Variants in SLC12A3 observed in about 807,000 individuals in gnomAD.
SLC12A3 encodes the protein Na-Cl cotransporter.
In SLC12A3, 104 loss-of-function variants were observed where a neutral mutation model predicts 121.0. The ratio of observed to expected loss-of-function variants is 0.86; its 90% confidence interval spans 0.73 to 1.01. SLC12A3 has a LOEUF of 1.01. Among genes scored for constraint, SLC12A3 ranks in the 50% least tolerant of loss-of-function variants. The pLI, the probability that SLC12A3 is intolerant of heterozygous loss-of-function variation, is 0.00. For synonymous variants in SLC12A3, 536 were observed against 533.4 expected, an observed-to-expected ratio of 1.00 and a Z score of -0.07; for missense variants, 1,328 against 1,356.3, an observed-to-expected ratio of 0.98 and a Z score of 0.33.
At chr16:56,872,560 C>A in intron 7 of SLC12A3, 96 bp from the exon 8 acceptor site, 1 of 1,585,722 alleles carries the variant, frequency 6.3e-7, no homozygotes, top group Non-Finnish European at 8.7e-7. Flanking sequence ...ATGGGATTAC[C>A]CAATCCCATG....
rs755920208 is a variant in SLC12A3 at position 56,878,060 on chromosome 16, C to T, written c.1096-17C>T. On this transcript the variant is annotated splice_polypyrimidine_tract_variant and intron_variant, in intron 8 of 25. Transcript: ENST00000563236. ...TCTCCCTCCCTCCCTCCCTCCCTCT[C>T]TCCCTCCCTCCTTCAGGACCCTGCT... The T allele has an allele frequency of 2.3e-6, 2 of 853,472 alleles. No homozygotes were observed. Among genetic ancestry groups the T allele is most frequent in the South Asian group, 1.4e-5 (1 of 73,020 alleles). 52.9% of individuals were successfully genotyped at this position (853,472 alleles called of 1,614,324 possible).
rs565503382 is a variant in SLC12A3 at position 56,913,729 on chromosome 16, G to A, written c.*324G>A. 262 of 369,810 alleles carry A rather than the reference G, an allele frequency of 7.1e-4. 1 individual carries two copies. The highest frequency in any genetic ancestry group is 5.2e-3 in the African/African-American group (249 of 47,824). 22.9% of individuals were successfully genotyped at this position (369,810 alleles called of 1,614,324 possible). A position where few individuals can be genotyped will look rare whatever the true frequency, so the allele number is the denominator to read the frequency against. On this transcript the variant is annotated 3_prime_UTR_variant, in exon 26 of 26. Transcript: ENST00000563236. ...TAAGAGTTCAGTCTTTGATTTGTAT[G>A]CAAATTGGAGTCCCAATGCTGGGCG...
intron 3 of SLC12A3, among the ~76,000 whole-genome samples, chr16:56,869,500 G>C (rs1345911461): frequency 6.6e-6 from 1 of 152,076 alleles, no homozygotes; most frequent in African/African-American, 2.4e-5. Flanking sequence ...GCTAATTTTT[G>C]TATTTTTAGT....
At position 56,886,928 on chromosome 16, in the gene SLC12A3, T is replaced by G; in HGVS notation, c.2038-25T>G. On this transcript the variant is annotated intron_variant, in intron 16 of 25. Transcript: ENST00000563236. ...GCTGGAGGGTGAAGGCAGCTGGTGA[T>G]GTCCCCTGCCCCTCCCACCCACAGG... 4 of 1,612,890 alleles carry G rather than the reference T, an allele frequency of 2.5e-6. 1 individual carries two copies. The South Asian group carries it at 4.4e-5, about 18-fold the overall frequency.
chr16:56,870,777 G>A (rs761632625), intron 6 of SLC12A3, 41 bp downstream of exon 6: 45 of 1,287,684 alleles, frequency 3.5e-5, no homozygotes, highest in East Asian at 1.6e-4. Flanking sequence ...AGGTGGTCAC[G>A]TGGAGAAGCG....
At chr16:56,903,943 G>A (rs12449275) in intron 24 of SLC12A3, among the ~76,000 whole-genome samples, 35,102 of 152,162 alleles carry the variant, frequency 0.23, 4,162 homozygotes, top group Middle Eastern at 0.28. Flanking sequence ...AGTGTACCAG[G>A]CCCTCTGCCG....
chr16:56,902,531 G>GGGGGGTC, intron 24 of SLC12A3, 23 bp downstream of exon 24: 1 of 714,570 alleles, frequency 1.4e-6, no homozygotes, highest in Non-Finnish European at 2.4e-6. Flanking sequence ...GTGGGGGTGG[G>GGGGGGTC]AAACGCGACA....
At chr16:56,880,333 C>T in intron 12 of SLC12A3, 80 bp downstream of exon 12, 1 of 1,495,134 alleles carries the variant, frequency 6.7e-7, no homozygotes, top group Non-Finnish European at 9.0e-7. Flanking sequence ...CCGGGCTCTT[C>T]TCCTGTCTCC....
intron 19 of SLC12A3, among the ~76,000 whole-genome samples, 154 bp downstream of exon 19, chr16:56,890,510 G>C (rs1249312194): frequency 1.8e-4 from 27 of 152,208 alleles, no homozygotes; most frequent in Non-Finnish European, 5.9e-5. Context: ...TTCCCAGAAA[G>C]AGAAAGCAAC....
At chr16:56,870,447 A>T (rs866746431) in intron 5 of SLC12A3, among the ~76,000 whole-genome samples, 179 bp from the exon 6 acceptor site, 5 of 152,248 alleles carry the variant, frequency 3.3e-5, no homozygotes, top group Non-Finnish European at 7.3e-5. Context: ...TGGCCTTTAG[A>T]GCCACACTGT....
At chr16:56,884,230 G>A (rs201495137) in intron 14 of SLC12A3, 26 bp downstream of exon 14, 18 of 1,612,994 alleles carry the variant, frequency 1.1e-5, no homozygotes, top group African/African-American at 9.3e-5. Flanking sequence ...GCGGGGCCTC[G>A]GCCCTCCTCC....
At chr16:56,878,025 T>TG in intron 8 of SLC12A3, 52 bp from the exon 9 acceptor site, 1 of 651,416 alleles carries the variant, frequency 1.5e-6, no homozygotes, top group Non-Finnish European at 2.7e-6. Flanking sequence ...CCTCCGTCCC[T>TG]CCCTCCCTCT....
intron 22 of SLC12A3, among the ~76,000 whole-genome samples, chr16:56,898,249 A>ATTTGG (rs1555501943): frequency 1.5e-4 from 22 of 142,586 alleles, no homozygotes; most frequent in African/African-American, 5.9e-4. Flanking sequence ...TGTTAGTTTG[A>ATTTGG]TTTGGTTTTG....
At chr16:56,900,858 A>C (rs1675495518) in intron 23 of SLC12A3, among the ~76,000 whole-genome samples, 1 of 151,952 alleles carries the variant, frequency 6.6e-6, no homozygotes, top group Non-Finnish European at 1.5e-5. Context: ...AATCCCCTCC[A>C]TTGACCTTTC....
intron 22 of SLC12A3, among the ~76,000 whole-genome samples, chr16:56,897,949 C>T (rs531033578): frequency 3.3e-5 from 5 of 152,350 alleles, no homozygotes; most frequent in Admixed American, 3.3e-4. Flanking sequence ...GGACCAGCAA[C>T]GGCTTGCCTG....
At chr16:56,866,175 G>A (rs1210167994) in intron 1 of SLC12A3, among the ~76,000 whole-genome samples, 1 of 151,884 alleles carries the variant, frequency 6.6e-6, no homozygotes, top group Non-Finnish European at 1.5e-5. Context: ...TAGTAGGGAT[G>A]GGGTTTTGCC....
chr16:56,904,419 G>A lies in SLC12A3; in HGVS notation c.2881G>A (p.Glu961Lys). The A allele has an allele frequency of 6.2e-7, 1 of 1,614,038 alleles. No individual in the cohort carries two copies. Among genetic ancestry groups the A allele is most frequent in the Non-Finnish European group, 8.5e-7 (1 of 1,179,900 alleles). The change falls in exon 25 of 26, where the codon GAG becomes AAG. Residue 961 changes from glutamate (E) to lysine (K), a missense_variant. By Grantham distance (56) the Glu-to-Lys change is moderately conservative (BLOSUM62 1). Transcript: ENST00000563236. ...VKSLRQVRLN[E>K]IVLDYSRDAA... ...GTCCCTTCGGCAGGTGAGGCTGAAT[G>A]AGATTGTGCTGGATTACTCCCGAGA... is the stretch of plus-strand genomic sequence containing the variant.
At position 56,872,404 on chromosome 16, in the gene SLC12A3, G is replaced by T. The variant is rs2055109512; in HGVS notation, c.906G>T (p.Val302=). 9 of 1,614,108 alleles carry T rather than the reference G, an allele frequency of 5.6e-6. No homozygotes were observed. The highest frequency in any genetic ancestry group is 5.9e-6 in the Non-Finnish European group (7 of 1,180,034). The change falls in exon 7 of 26, where the codon GTG becomes GTT. Residue 302 remains valine, a synonymous_variant. Transcript: ENST00000563236. ...TGGTCTCCTTTGCCAACTATTTAGT[G>T]GGGACGCTGATCCCCCCATCTGAGG... ...VIMVSFANYL[V]GTLIPPSEDK...
At position 56,915,708 on chromosome 16, in the gene SLC12A3, G is replaced by C. The variant is rs564667767; in HGVS notation, c.*2303G>C. The C allele has an allele frequency of 6.6e-6, 1 of 152,078 alleles. No individual in the cohort carries two copies. The highest frequency in any genetic ancestry group is 1.9e-4 in the East Asian group (1 of 5,190). The allele number at this position is 152,078 out of a possible 1,614,324, so 9.4% of individuals were successfully genotyped here. A position where few individuals can be genotyped will look rare whatever the true frequency, so the allele number is the denominator to read the frequency against. On this transcript the variant is annotated 3_prime_UTR_variant, in exon 26 of 26. Transcript: ENST00000563236. Reference sequence around the variant, plus strand: ...CCAAAAAACAGAATGTTTTGGCTTCGGGTGTCAAAAAAAAAATTTTCACGA... The same window carrying C: ...CCAAAAAACAGAATGTTTTGGCTTCCGGTGTCAAAAAAAAAATTTTCACGA...
Sources: gnomAD v4.1 joint callset for allele counts (sites outside exome capture counted in the v4.1 genomes callset) on GRCh38, gnomAD v4.1.1 for gene constraint, MANE v1.5 for transcripts, NCBI Gene and HGNC (gene_info 2026-07-23, HGNC 2026-07-21) for gene names.